The following DTX4 variants were observed in gnomAD, a reference collection of about 807,000 sequenced individuals.
DTX4 encodes the protein E3 ubiquitin-protein ligase DTX4.
In DTX4, 28 loss-of-function variants were observed where a neutral mutation model predicts 57.6. The observed-to-expected ratio is 0.49, with a 90% CI of 0.36 to 0.67. DTX4 has a LOEUF of 0.67. DTX4 is among the 30% of genes least tolerant of loss of function. DTX4 has a pLI of 0.00. For synonymous variants in DTX4, 316 were observed against 331.0 expected, an observed-to-expected ratio of 0.95 and a Z score of 0.49; for missense variants, 715 against 836.8, an observed-to-expected ratio of 0.85 and a Z score of 1.80.
intron 8 of DTX4, among the ~76,000 whole-genome samples, chr11:59,203,251 A>G (rs188259609): frequency 6.6e-6 from 1 of 152,242 alleles, no homozygotes; most frequent in Non-Finnish European, 1.5e-5. Context: ...TGACTTCTCC[A>G]TTTAAAAACC....
In DTX4 at chr11:59,172,549, C is replaced by T. The variant is rs768142718; in HGVS notation, c.-47C>T. On this transcript the variant is annotated 5_prime_UTR_variant, in exon 1 of 9. Transcript: ENST00000227451. ...GAGGAAGCGGAGGAGGTCGGGCGCTCGGGGCCCGGGAGGCGGGCCGCGCAG... is the reference window on the plus strand; with the variant it reads ...GAGGAAGCGGAGGAGGTCGGGCGCTTGGGGCCCGGGAGGCGGGCCGCGCAG... The T allele has an allele frequency of 7.0e-5, 89 of 1,263,882 alleles. 1 individual carries two copies. The highest frequency in any genetic ancestry group is 6.6e-4 in the South Asian group (29 of 43,734). The allele number at this position is 1,263,882 out of a possible 1,614,324, so 78.3% of individuals were successfully genotyped here.
rs2135528282 is a variant in DTX4 at position 59,204,888 on chromosome 11, C to T, written c.1839C>T (p.Ser613=). Residue 613 remains serine (S), a synonymous_variant, in exon 9 of 9, where the codon AGC becomes AGT. Transcript: ENST00000227451. ...ELAAQGISED[S]TAQEKD is the part of the protein sequence containing the mutation. ...CTGCCCAGGGCATCTCTGAGGACAG[C>T]ACTGCCCAGGAGAAGGACTGAGGCC... The T allele has an allele frequency of 6.3e-7, 1 of 1,587,902 alleles. No individual in the cohort carries two copies.
chr11:59,174,771 G>A (rs1256711384), intron 1 of DTX4, among the ~76,000 whole-genome samples: 1 of 152,316 alleles, frequency 6.6e-6, no homozygotes, highest in African/African-American at 2.4e-5. Context: ...GGACTGCCTG[G>A]TGGTGAGCAA....
intron 4 of DTX4, 102 bp downstream of exon 4, chr11:59,189,425 T>C (rs527303183): frequency 4.2e-6 from 5 of 1,196,734 alleles, no homozygotes; most frequent in Admixed American, 2.9e-5. Flanking sequence ...CTTCACCCTC[T>C]GTGCCTCAAT....
At chr11:59,184,920 G>A (rs974539394) in intron 2 of DTX4, among the ~76,000 whole-genome samples, 46 of 152,086 alleles carry the variant, frequency 3.0e-4, no homozygotes, top group African/African-American at 4.8e-4. Context: ...TTTAATTAGC[G>A]TGTTTATTCC....
At chr11:59,176,408 A>C (rs984068999) in intron 1 of DTX4, among the ~76,000 whole-genome samples, 1 of 152,286 alleles carries the variant, frequency 6.6e-6, no homozygotes, top group Non-Finnish European at 1.5e-5. Flanking sequence ...ACAGCTAGTC[A>C]ATGGCAGGGC....
intron 5 of DTX4, among the ~76,000 whole-genome samples, chr11:59,191,647 T>C (rs75145602): frequency 6.6e-6 from 1 of 152,156 alleles, no homozygotes; most frequent in Non-Finnish European, 1.5e-5. Context: ...CAGCAAAGAA[T>C]TGTCCTCCCC....
rs1242671886 is a variant in DTX4 at position 59,172,824 on chromosome 11, G to C, written c.211+18G>C. On this transcript the variant is annotated intron_variant, in intron 1 of 8. Coordinates refer to ENST00000227451, the MANE Select transcript of DTX4 (RefSeq NM_015177.2). ...AGACACGGGTGAGCCAGCCGCCCCT[G>C]ACCCCGCCCCGCCTGCTCCCACCTT... 3 of 1,511,186 alleles carry C rather than the reference G, an allele frequency of 2.0e-6. No homozygotes were observed. Among genetic ancestry groups the C allele is most frequent in the Admixed American group, 3.9e-5 (2 of 50,682 alleles). 93.6% of individuals were successfully genotyped at this position (1,511,186 alleles called of 1,614,324 possible). A position where few individuals can be genotyped will look rare whatever the true frequency, so the allele number is the denominator to read the frequency against.
chr11:59,195,603 T>G (rs1266377631), intron 7 of DTX4, among the ~76,000 whole-genome samples: 1 of 148,826 alleles, frequency 6.7e-6, no homozygotes, highest in African/African-American at 2.5e-5. Context: ...CACCCTTCCC[T>G]TTTTTTTTTC....
chr11:59,189,071 G>A, intron 3 of DTX4, 91 bp from the exon 4 acceptor site: 1 of 1,465,900 alleles, frequency 6.8e-7, no homozygotes, highest in Non-Finnish European at 9.4e-7. Context: ...TGCTGGAAAG[G>A]AGGAGAGTAG....
intron 3 of DTX4, among the ~76,000 whole-genome samples, 172 bp from the exon 4 acceptor site, chr11:59,188,990 G>A (rs1018523526): frequency 6.6e-6 from 1 of 152,246 alleles, no homozygotes; most frequent in African/African-American, 2.4e-5. Flanking sequence ...TGCAATTGAA[G>A]ATAAGTGAGT....
At chr11:59,194,073 C>T (rs1862632781) in intron 6 of DTX4, among the ~76,000 whole-genome samples, 1 of 152,170 alleles carries the variant, frequency 6.6e-6, no homozygotes, top group South Asian at 2.1e-4. Context: ...GAAACCGTCA[C>T]CCTGTACACC....
chr11:59,204,328 T>C (rs1862776457), intron 8 of DTX4, among the ~76,000 whole-genome samples: 1 of 152,240 alleles, frequency 6.6e-6, no homozygotes, highest in Non-Finnish European at 1.5e-5. Context: ...ATAACATTTA[T>C]CAATTAGTGC....
At chr11:59,194,600 C>CAG (rs1862639453) in intron 6 of DTX4, among the ~76,000 whole-genome samples, 1 of 152,206 alleles carries the variant, frequency 6.6e-6, no homozygotes, top group African/African-American at 2.4e-5. Flanking sequence ...CCCGATGAGA[C>CAG]AGATATTTTT....
At chr11:59,183,085 C>T (rs949297789) in intron 2 of DTX4, among the ~76,000 whole-genome samples, 2 of 152,192 alleles carry the variant, frequency 1.3e-5, no homozygotes, top group Non-Finnish European at 2.9e-5. Context: ...CAGATGAAGA[C>T]AGTAGATGTT....
In DTX4 at chr11:59,206,265, A is replaced by T. The variant is rs1196168415; in HGVS notation, c.*1356A>T. The T allele has an allele frequency of 3.3e-5, 5 of 152,434 alleles. No homozygotes were observed. Among genetic ancestry groups the T allele is most frequent in the Admixed American group, 6.5e-5 (1 of 15,278 alleles). 9.4% of individuals were successfully genotyped at this position (152,434 alleles called of 1,614,324 possible). On this transcript the variant is annotated 3_prime_UTR_variant, in exon 9 of 9. Transcript: ENST00000227451. ...TTAGCTCATTCCTAATGGAGTTGGGATCACAATATGGTCTGGTCCAATCTG... is the reference window on the plus strand; with the variant it reads ...TTAGCTCATTCCTAATGGAGTTGGGTTCACAATATGGTCTGGTCCAATCTG...
chr11:59,200,269 C>T (rs186963196), intron 8 of DTX4, among the ~76,000 whole-genome samples: 8 of 152,304 alleles, frequency 5.3e-5, no homozygotes, highest in Admixed American at 3.3e-4. Context: ...AGTTATCTCC[C>T]ACTGGGTCCC....
In DTX4 at chr11:59,181,765, T is replaced by C; in HGVS notation, c.238T>C (p.Tyr80His). ...TGTLRPVRRN[Y>H]YDPSSAPGKG... is the part of the protein sequence containing the mutation. ...AACTCTCCGCCCAGTTCGCCGCAAC[T>C]ACTACGACCCCTCCTCGGCCCCTGG... The change falls in exon 2 of 9, where the codon TAC becomes CAC. Residue 80 changes from tyrosine (Y) to histidine (H), a missense_variant. Coordinates refer to ENST00000227451, the MANE Select transcript of DTX4 (RefSeq NM_015177.2). The C allele has an allele frequency of 6.2e-7, 1 of 1,610,984 alleles. No individual in the cohort carries two copies. Among genetic ancestry groups the C allele is most frequent in the South Asian group, 1.1e-5 (1 of 90,836 alleles).
At chr11:59,183,733 C>T (rs1303698256) in intron 2 of DTX4, among the ~76,000 whole-genome samples, 1 of 152,122 alleles carries the variant, frequency 6.6e-6, no homozygotes, top group Admixed American at 6.5e-5. Flanking sequence ...GGAAGAGTGC[C>T]GAGTTGGAAA....
Sources: allele counts gnomAD v4.1 joint callset (sites outside exome capture counted in the v4.1 genomes callset), GRCh38; gene constraint gnomAD v4.1.1; transcripts MANE v1.5; gene names NCBI Gene and HGNC (gene_info 2026-07-23, HGNC 2026-07-21).